Variants in LPP observed in about 807,000 individuals in gnomAD.
LPP encodes the protein lipoma-preferred partner.
In LPP, 38 loss-of-function variants were observed where a neutral mutation model predicts 60.4. The observed-to-expected ratio is 0.63, with a 90% confidence interval of 0.49 to 0.83. The LOEUF (loss-of-function observed/expected upper bound fraction) is 0.83. Ranked by LOEUF, LPP falls within the 40% of genes least tolerant of loss-of-function variation. The pLI, the probability that LPP is intolerant of heterozygous loss-of-function variation, is 0.00. For missense variants in LPP, 902 were observed against 783.6 expected, an observed-to-expected ratio of 1.15 and a Z score of -1.80; for synonymous variants, 328 against 290.8, an observed-to-expected ratio of 1.13 and a Z score of -1.30.
intron 5 of LPP, among the ~76,000 whole-genome samples, chr3:188,504,779 G>T (rs1222749697): frequency 4.1e-5 from 6 of 146,302 alleles, no homozygotes. Context: ...ATGAGAAAAA[G>T]TAAAAAATAA....
At chr3:188,593,650 G>T (rs969662635) in intron 6 of LPP, among the ~76,000 whole-genome samples, 1 of 151,904 alleles carries the variant, frequency 6.6e-6, no homozygotes, top group Non-Finnish European at 1.5e-5. Context: ...ATGCCTTTGC[G>T]TCCTCATAGC....
Position 188,708,360 on chromosome 3 carries a change from G to A in LPP, c.1207G>A (p.Asp403Asn), listed in dbSNP as rs1181386836. Residue 403 changes from aspartate (D) to asparagine (N), a missense_variant, in exon 8 of 12, where the codon GAC becomes AAC. Transcript: ENST00000617246. ...GCACCTGACCAAAAAGATGCTGTATGACATGGAAAATCCACCTGCTGACGA... is the reference window on the plus strand; with the variant it reads ...GCACCTGACCAAAAAGATGCTGTATAACATGGAAAATCCACCTGCTGACGA... ...LEHLTKKMLYDMENPPADEYF... is the reference protein window; with the variant it reads ...LEHLTKKMLYNMENPPADEYF... 3 of 1,614,098 alleles carry A rather than the reference G, an allele frequency of 1.9e-6. No individual in the cohort carries two copies. Among genetic ancestry groups the A allele is most frequent in the Non-Finnish European group, 1.7e-6 (2 of 1,180,030 alleles).
Position 188,265,141 on chromosome 3 carries a change from G to A in LPP, c.-67+39614G>A, listed in dbSNP as rs115512779. On this transcript the variant is annotated intron_variant, in intron 2 of 11. Coordinates refer to ENST00000617246, the MANE Select transcript of LPP (RefSeq NM_001375462.1). ...TTTAAGAACTGACTTTAGAGGTTTA[G>A]CACGAATTAAATTCCTGGTCTTTTC... Among the ~76,000 whole-genome samples the A allele has an allele frequency of 2.8e-3, 420 of 152,324 alleles. 2 individuals are homozygous for A. Among genetic ancestry groups the A allele is most frequent in the Non-Finnish European group, 4.7e-3 (323 of 68,034 alleles).
intron 6 of LPP, among the ~76,000 whole-genome samples, chr3:188,570,239 T>C (rs1181713911): frequency 1.3e-5 from 2 of 152,034 alleles, no homozygotes; most frequent in Non-Finnish European, 2.9e-5. Context: ...GAGTTCTGTC[T>C]TGCAGGTAAG....
At chr3:188,576,489 A>C (rs1056523979) in intron 6 of LPP, among the ~76,000 whole-genome samples, 6 of 152,124 alleles carry the variant, frequency 3.9e-5, no homozygotes, top group African/African-American at 1.2e-4. Context: ...AAAGGTAAGG[A>C]GACGGGCTTG....
chr3:188,822,949 C>G lies in LPP; in HGVS notation c.1411-43251C>G, dbSNP rs1023642588. On this transcript the variant is annotated intron_variant, in intron 9 of 11. Transcript: ENST00000617246. ...CTTTTTTAATACAGAAAACTGTAAA[C>G]TTTTTATTAGGGCAGGTTTTTTTGT... 2.6e-5 allele frequency among the ~76,000 whole-genome samples: 4 copies of G among 152,108 alleles called. No homozygotes were observed. The East Asian group carries it at 7.7e-4, about 29-fold the overall frequency.
chr3:188,370,002 C>T, intron 3 of LPP, among the ~76,000 whole-genome samples: 1 of 152,160 alleles, frequency 6.6e-6, no homozygotes, highest in Non-Finnish European at 1.5e-5. Context: ...GATCTCGGCT[C>T]ACTGCAACCT....
intron 5 of LPP, among the ~76,000 whole-genome samples, chr3:188,491,832 G>A (rs1001030203): frequency 6.6e-6 from 1 of 152,130 alleles, no homozygotes; most frequent in Non-Finnish European, 1.5e-5. Flanking sequence ...GACAGTAGCC[G>A]ACCTAGAGTC....
At chr3:188,467,631 G>C (rs1800809821) in intron 4 of LPP, among the ~76,000 whole-genome samples, 1 of 152,100 alleles carries the variant, frequency 6.6e-6, no homozygotes, top group South Asian at 2.1e-4. Context: ...GTATAAGGAT[G>C]GGCCCAACGC....
intron 2 of LPP, among the ~76,000 whole-genome samples, chr3:188,240,851 A>G (rs998589652): frequency 6.6e-6 from 1 of 152,098 alleles, no homozygotes; most frequent in Middle Eastern, 3.4e-3. Flanking sequence ...TAGTGAATGA[A>G]CCTCCCTATT....
At chr3:188,704,862 C>T (rs896450766) in intron 7 of LPP, among the ~76,000 whole-genome samples, 11 of 152,008 alleles carry the variant, frequency 7.2e-5, no homozygotes, top group Admixed American at 2.6e-4. Flanking sequence ...CCTAGCTCAC[C>T]GAGAAGCCCT....
In LPP at chr3:188,877,201, T is replaced by G. The variant is rs989696305; in HGVS notation, c.*2722T>G. Reference sequence around the variant, plus strand: ...TAAACAATGCCAAGTCACTCTTTTTTAGTTGCATGAAATTTTGCCTGCAAC... The same window carrying G: ...TAAACAATGCCAAGTCACTCTTTTTGAGTTGCATGAAATTTTGCCTGCAAC... On this transcript the variant is annotated 3_prime_UTR_variant, in exon 12 of 12. Transcript: ENST00000617246. 1.7e-5 allele frequency: 3 copies of G among 175,846 alleles called. No individual in the cohort carries two copies. The highest frequency in any genetic ancestry group is 7.1e-5 in the African/African-American group (3 of 42,390). 10.9% of individuals were successfully genotyped at this position (175,846 alleles called of 1,614,324 possible). A position where few individuals can be genotyped will look rare whatever the true frequency, so the allele number is the denominator to read the frequency against.
chr3:188,265,879 G>GTGTT (rs1380119090), intron 2 of LPP, among the ~76,000 whole-genome samples: 28 of 149,706 alleles, frequency 1.9e-4, no homozygotes, highest in Non-Finnish European at 1.5e-5. Context: ...TGGTGTGTGT[G>GTGTT]TGTGTGTGTG....
intron 2 of LPP, among the ~76,000 whole-genome samples, chr3:188,276,962 G>C (rs377387358): frequency 7.8e-6 from 1 of 127,546 alleles, no homozygotes; most frequent in African/African-American, 3.0e-5. Flanking sequence ...GGAGTATAGT[G>C]GCATGATCTT....
rs145429548 is a variant in LPP, at chr3:188,865,432, G to A, written c.1411-768G>A. 6.3e-4 allele frequency among the ~76,000 whole-genome samples: 96 copies of A among 152,264 alleles called. 1 individual carries two copies. Among genetic ancestry groups the A allele is most frequent in the Non-Finnish European group, 1.1e-3 (78 of 68,018 alleles). ...AAATCAAAGCTTTAAATGATCAGAAGCCTAATTGATTATGCTGAGTTCTGA... is the reference window on the plus strand; with the variant it reads ...AAATCAAAGCTTTAAATGATCAGAAACCTAATTGATTATGCTGAGTTCTGA... On this transcript the variant is annotated intron_variant, in intron 9 of 11. Coordinates refer to ENST00000617246, the MANE Select transcript of LPP (RefSeq NM_001375462.1).
In LPP at chr3:188,848,306, G is replaced by C. The variant is rs796665987; in HGVS notation, c.1411-17894G>C. ...TCCGGGTAGAGCTGAACTGGCTGCA[G>C]CTCCAATGAGAGGCAATTGCTTGAG... On this transcript the variant is annotated intron_variant, in intron 9 of 11. Transcript: ENST00000617246. 2.0e-5 allele frequency among the ~76,000 whole-genome samples: 3 copies of C among 152,190 alleles called. No individual in the cohort carries two copies. In the South Asian group the frequency reaches 6.2e-4, roughly 31 times the overall value.
At chr3:188,608,189 C>T (rs1438208124) in intron 6 of LPP, among the ~76,000 whole-genome samples, 2 of 152,146 alleles carry the variant, frequency 1.3e-5, no homozygotes, top group African/African-American at 2.4e-5. Context: ...TTGGAGCAGG[C>T]CCTCCACTTC....
intron 2 of LPP, among the ~76,000 whole-genome samples, chr3:188,235,714 G>T (rs894393517): frequency 1.3e-5 from 2 of 152,124 alleles, no homozygotes; most frequent in African/African-American, 4.8e-5. Context: ...ATGTATTTTT[G>T]AAGATGATTT....
rs76148645 is a variant in LPP at position 188,516,381 on chromosome 3, G to T, written c.307-8284G>T. The stretch of plus-strand genomic sequence containing the variant: ...TGTCCACTGAACATTACCAGGATCC[G>T]TTTGGTGAGGCTGCTCATATTACTA... On this transcript the variant is annotated intron_variant, in intron 5 of 11. Transcript: ENST00000617246. Among the ~76,000 whole-genome samples, 1,071 of 152,098 alleles carry T rather than the reference G, an allele frequency of 7.0e-3. 11 individuals carry two copies. The highest frequency in any genetic ancestry group is 0.024 in the African/African-American group (994 of 41,456).
Sources: allele counts gnomAD v4.1 joint callset (sites outside exome capture counted in the v4.1 genomes callset), GRCh38; gene constraint gnomAD v4.1.1; transcripts MANE v1.5; gene names NCBI Gene and HGNC (gene_info 2026-07-23, HGNC 2026-07-21).